EYA2: variants seen among roughly 807,000 people sequenced by gnomAD.
EYA2 encodes protein phosphatase EYA2.
Under a neutral mutation model 69.2 loss-of-function variants are expected in EYA2, and 31 were observed. That is an observed-to-expected ratio of 0.45 (90% confidence interval 0.34 to 0.60). The LOEUF is 0.60. Ranked by LOEUF, EYA2 falls within the 20% of genes least tolerant of loss-of-function variation. EYA2 has a pLI of 0.02. For synonymous variants in EYA2, 257 were observed against 279.4 expected, an observed-to-expected ratio of 0.92 and a Z score of 0.80; for missense variants, 622 against 701.2, an observed-to-expected ratio of 0.89 and a Z score of 1.28.
chr20:46,914,262 TA>T lies in EYA2; in HGVS notation c.-11+19282del, dbSNP rs1230908063. Reference sequence around the variant, plus strand: ...AATATTCCACAGTAGAACTCACACTTAAAAAAATAGGAGTCAGTGGCATAAA... The same window carrying T: ...AATATTCCACAGTAGAACTCACACTTAAAAAATAGGAGTCAGTGGCATAAA... On this transcript the variant is annotated intron_variant, in intron 1 of 15. Transcript: ENST00000327619. 2.0e-5 allele frequency among the ~76,000 whole-genome samples: 3 copies of T among 152,118 alleles called. No homozygotes were observed. In the East Asian group the frequency reaches 5.8e-4, roughly 29 times the overall value.
intron 12 of EYA2, among the ~76,000 whole-genome samples, chr20:47,177,010 C>T (rs781193787): frequency 6.6e-6 from 1 of 152,132 alleles, no homozygotes; most frequent in Non-Finnish European, 1.5e-5. Flanking sequence ...GTTGGCCAGG[C>T]TGATCTCGAA....
At chr20:47,004,199 G>T (rs1180634097) in intron 3 of EYA2, among the ~76,000 whole-genome samples, 1 of 152,200 alleles carries the variant, frequency 6.6e-6, no homozygotes, top group Non-Finnish European at 1.5e-5. Flanking sequence ...ATCTGGAATA[G>T]CTCACAACAT....
chr20:47,136,631 T>C (rs2146588124), intron 9 of EYA2, among the ~76,000 whole-genome samples: 1 of 151,632 alleles, frequency 6.6e-6, no homozygotes, highest in South Asian at 2.1e-4. Flanking sequence ...TAGTCCTAGC[T>C]ACTTGGGAGG....
At chr20:47,161,993 A>G (rs1158971988) in intron 10 of EYA2, among the ~76,000 whole-genome samples, 6 of 152,128 alleles carry the variant, frequency 3.9e-5, no homozygotes, top group African/African-American at 1.4e-4. Context: ...GTCCAAGATC[A>G]AGGTTGGTTC....
At chr20:47,139,681 C>T (rs2033554618) in intron 9 of EYA2, among the ~76,000 whole-genome samples, 1 of 152,164 alleles carries the variant, frequency 6.6e-6, no homozygotes, top group African/African-American at 2.4e-5. Context: ...CTACCCGCCT[C>T]GGCCTCCCAA....
chr20:46,955,396 T>A (rs999261440), intron 1 of EYA2, among the ~76,000 whole-genome samples: 19 of 152,324 alleles, frequency 1.2e-4, no homozygotes, highest in Admixed American at 1.0e-3. Flanking sequence ...GGACCACTTT[T>A]ATACTCAAGA....
intron 7 of EYA2, among the ~76,000 whole-genome samples, chr20:47,075,490 T>C (rs569202043): frequency 3.9e-4 from 60 of 152,218 alleles, no homozygotes; most frequent in African/African-American, 1.4e-3. Context: ...CCAGCACTCC[T>C]GCTATGCACT....
intron 15 of EYA2, among the ~76,000 whole-genome samples, chr20:47,184,810 A>G (rs910742965): frequency 6.6e-6 from 1 of 152,176 alleles, no homozygotes; most frequent in African/African-American, 2.4e-5. Flanking sequence ...TACCTGTGTC[A>G]TGCTCCAAAC....
intron 1 of EYA2, among the ~76,000 whole-genome samples, chr20:46,969,346 G>A (rs762501529): frequency 1.3e-5 from 2 of 152,112 alleles, no homozygotes; most frequent in Non-Finnish European, 2.9e-5. Context: ...GCCTCCCAAA[G>A]TGCTGGGATT....
rs138590592 is a variant in EYA2, at chr20:46,895,761, C to T, written c.-11+774C>T. Among the ~76,000 whole-genome samples, 1,056 of 152,314 alleles carry T rather than the reference C, an allele frequency of 6.9e-3. 12 individuals carry two copies. The highest frequency in any genetic ancestry group is 0.023 in the African/African-American group (971 of 41,554). ...AATATATTCCTGCCTGCCTCCCCCC[C>T]AGCAATAAATAGTTTATAAGCTCAA... On this transcript the variant is annotated intron_variant, in intron 1 of 15. Transcript: ENST00000327619.
intron 8 of EYA2, among the ~76,000 whole-genome samples, chr20:47,089,971 G>A (rs920857113): frequency 2.6e-5 from 4 of 152,076 alleles, no homozygotes; most frequent in African/African-American, 9.7e-5. Context: ...ATATTGATCT[G>A]TGTGGAGGCT....
intron 1 of EYA2, among the ~76,000 whole-genome samples, chr20:46,906,593 C>T (rs1984368664): frequency 6.6e-6 from 1 of 152,152 alleles, no homozygotes; most frequent in Admixed American, 6.5e-5. Context: ...GGGATATGTT[C>T]CGAAAGATTA....
At chr20:47,028,670 G>A (rs1255666138) in intron 5 of EYA2, among the ~76,000 whole-genome samples, 2 of 152,210 alleles carry the variant, frequency 1.3e-5, no homozygotes, top group African/African-American at 4.8e-5. Context: ...TCCAATGATG[G>A]CACAACACAT....
intron 10 of EYA2, among the ~76,000 whole-genome samples, chr20:47,151,474 A>G (rs1450786725): frequency 6.6e-6 from 1 of 151,704 alleles, no homozygotes; most frequent in African/African-American, 2.4e-5. Context: ...TCCAGATCCA[A>G]TGGTCTTTTT....
chr20:47,109,580 G>A lies in EYA2; in HGVS notation c.888+12412G>A, dbSNP rs556028185. 3.9e-5 allele frequency among the ~76,000 whole-genome samples: 6 copies of A among 152,166 alleles called. No individual in the cohort carries two copies. The South Asian group carries it at 8.3e-4, about 21-fold the overall frequency. The stretch of plus-strand genomic sequence containing the variant: ...TATTTATTTCTGAGACAGGGGTCTC[G>A]TCATGTTGCCCACGCTAGTCTCGAA... On this transcript the variant is annotated intron_variant, in intron 9 of 15. Coordinates refer to ENST00000327619, the MANE Select transcript of EYA2 (RefSeq NM_005244.5).
At chr20:47,034,816 G>A (rs1401601826) in intron 5 of EYA2, among the ~76,000 whole-genome samples, 1 of 152,186 alleles carries the variant, frequency 6.6e-6, no homozygotes, top group African/African-American at 2.4e-5. Context: ...GAAGCTCAGA[G>A]GGAGACTGTC....
intron 1 of EYA2, among the ~76,000 whole-genome samples, chr20:46,974,871 C>T (rs1221832937): frequency 6.6e-6 from 1 of 152,182 alleles, no homozygotes; most frequent in Non-Finnish European, 1.5e-5. Context: ...GAGTCTGTCA[C>T]TGCACGTTGG....
At chr20:47,089,112 G>C in intron 7 of EYA2, 127 bp from the exon 8 acceptor site, 1 of 1,101,320 alleles carries the variant, frequency 9.1e-7, no homozygotes, top group Non-Finnish European at 1.3e-6. Flanking sequence ...CATCCTACGA[G>C]ATCTTTGCCT....
Position 46,982,553 on chromosome 20 carries a change from C to G in EYA2, c.-10-7448C>G, listed in dbSNP as rs536257409. 2.0e-5 allele frequency among the ~76,000 whole-genome samples: 3 copies of G among 152,176 alleles called. No individual in the cohort carries two copies. In the East Asian group the frequency reaches 5.8e-4, roughly 29 times the overall value. On this transcript the variant is annotated intron_variant, in intron 1 of 15. Transcript: ENST00000327619. ...TTGTTTCTGACTTGCTCTCTCTCTC[C>G]TCTCCTTCTGTGGCTCCTATTACAT... is the stretch of plus-strand genomic sequence containing the variant.
Sources: allele counts gnomAD v4.1 joint callset (sites outside exome capture counted in the v4.1 genomes callset), GRCh38; gene constraint gnomAD v4.1.1; transcripts MANE v1.5; gene names NCBI Gene and HGNC (gene_info 2026-07-23, HGNC 2026-07-21).